Variants in HERC2 observed in about 807,000 individuals in gnomAD.
HERC2 encodes the protein E3 ubiquitin-protein ligase HERC2.
A neutral mutation model predicts 537.7 loss-of-function variants in HERC2; 102 were observed. That is an observed-to-expected ratio of 0.19 (90% CI 0.16 to 0.22). The LOEUF (loss-of-function observed/expected upper bound fraction) is 0.22, where lower values mean the gene tolerates loss of function less well. Among genes scored for constraint, HERC2 ranks in the 10% least tolerant of loss-of-function variants. The pLI is 1.00. For synonymous variants in HERC2, 2,224 were observed against 2,466.2 expected, an observed-to-expected ratio of 0.90 and a Z score of 2.91; for missense variants, 4,236 against 6,198.2, an observed-to-expected ratio of 0.68 and a Z score of 10.63.
At chr15:28,218,950 T>C (rs762321211) in intron 37 of HERC2, among the ~76,000 whole-genome samples, 4 of 152,034 alleles carry the variant, frequency 2.6e-5, no homozygotes, top group Non-Finnish European at 5.9e-5. Context: ...CACCTCGACC[T>C]CCCAAACTGT....
At chr15:28,282,272 A>G (rs549863735) in intron 4 of HERC2, among the ~76,000 whole-genome samples, 36 of 152,322 alleles carry the variant, frequency 2.4e-4, no homozygotes, top group African/African-American at 7.5e-4. Flanking sequence ...GCCTAACAAC[A>G]TGTTCTATTG....
At chr15:28,254,054 C>T (rs765618694) in intron 20 of HERC2, among the ~76,000 whole-genome samples, 6 of 152,028 alleles carry the variant, frequency 3.9e-5, no homozygotes, top group East Asian at 1.9e-4. Flanking sequence ...GAGGCCAAGG[C>T]GGGCGGATCA....
chr15:28,239,784 A>C (rs1902861622), intron 23 of HERC2, among the ~76,000 whole-genome samples: 2 of 151,778 alleles, frequency 1.3e-5, no homozygotes, highest in Non-Finnish European at 2.9e-5. Flanking sequence ...AAGTTCAGAA[A>C]ATGTGAAGTT....
At chr15:28,125,638 A>T (rs1252854638) in intron 83 of HERC2, among the ~76,000 whole-genome samples, 1 of 152,230 alleles carries the variant, frequency 6.6e-6, no homozygotes, top group African/African-American at 2.4e-5. Flanking sequence ...TTGCTCTTGC[A>T]TGCGAAACAG....
chr15:28,276,451 G>T (rs1020667560), intron 5 of HERC2, among the ~76,000 whole-genome samples: 4 of 152,136 alleles, frequency 2.6e-5, no homozygotes, highest in Non-Finnish European at 5.9e-5. Flanking sequence ...ACATGTAACA[G>T]GACACACAGT....
intron 3 of HERC2, among the ~76,000 whole-genome samples, 189 bp downstream of exon 3, chr15:28,299,213 A>C (rs1667400): frequency 0.97 from 147,856 of 152,024 alleles, 71,981 homozygotes; most frequent in Non-Finnish European, 0.99. Flanking sequence ...GCCTTCAATT[A>C]ACGTAAAACA....
chr15:28,132,341 TC>T, intron 80 of HERC2, 80 bp from the exon 81 acceptor site: 1 of 1,302,242 alleles, frequency 7.7e-7, no homozygotes, highest in Non-Finnish European at 1.0e-6. Flanking sequence ...ACACTGCCAT[TC>T]TTTTTTTATG....
At chr15:28,207,977 C>T (rs565130787) in intron 44 of HERC2, among the ~76,000 whole-genome samples, 3 of 152,122 alleles carry the variant, frequency 2.0e-5, no homozygotes, top group Non-Finnish European at 4.4e-5. Context: ...AGTCCCTGCT[C>T]GGCCCAAAGC....
At chr15:28,127,220 A>T (rs1354127956) in intron 83 of HERC2, among the ~76,000 whole-genome samples, 1 of 152,212 alleles carries the variant, frequency 6.6e-6, no homozygotes, top group Admixed American at 6.5e-5. Context: ...CAAGGTGAGG[A>T]GGGTGTCTCT....
Position 28,177,605 on chromosome 15 carries a change from C to T in HERC2, c.9164-96G>A. 6 of 1,021,652 alleles carry T rather than the reference C, an allele frequency of 5.9e-6. No homozygotes were observed. The highest frequency in any genetic ancestry group is 1.6e-5 in the African/African-American group (1 of 63,230). 63.3% of individuals were successfully genotyped at this position (1,021,652 alleles called of 1,614,324 possible). A position where few individuals can be genotyped will look rare whatever the true frequency, so the allele number is the denominator to read the frequency against. On this transcript the variant is annotated intron_variant, in intron 59 of 92. Transcript: ENST00000261609. This position sits in a 1 kb window ranked among gnomAD's most constrained non-coding sequence, Gnocchi z 5.0. Reference sequence around the variant, plus strand: ...TATTTTGCCTGGCATATAGCACACACTCAATGAGCGTGAGCTGAATAAATG... The same window carrying T: ...TATTTTGCCTGGCATATAGCACACATTCAATGAGCGTGAGCTGAATAAATG...
At chr15:28,147,208 C>G (rs1891840664) in intron 70 of HERC2, among the ~76,000 whole-genome samples, 1 of 152,010 alleles carries the variant, frequency 6.6e-6, no homozygotes, top group African/African-American at 2.4e-5. Flanking sequence ...TGCTGGTGGA[C>G]TAGATATAAA....
Position 28,141,480 on chromosome 15 carries a change from C to T in HERC2, c.11967G>A (p.Gln3989=), listed in dbSNP as rs11636232. Residue 3989 remains glutamine (Q), a synonymous_variant, in exon 78 of 93, where the codon CAG becomes CAA. Coordinates refer to ENST00000261609, the MANE Select transcript of HERC2 (RefSeq NM_004667.6). ...AGAGGGTCTGTTCCCCTCCGATTAA[C>T]TGCACGGGTCTGAGAGTTGCAAGGG... The part of the protein sequence containing the change: ...CEALATLRPV[Q]LIGGEQTLFA... 543,945 of 1,613,722 alleles carry T rather than the reference C, an allele frequency of 0.34. 110,194 individuals are homozygous for T. The highest frequency in any genetic ancestry group is 0.4 in the Non-Finnish European group (476,840 of 1,179,716).
chr15:28,171,936 G>A (rs768344001), intron 65 of HERC2, among the ~76,000 whole-genome samples: 1 of 151,648 alleles, frequency 6.6e-6, no homozygotes, highest in Admixed American at 6.6e-5. Context: ...TTAGCCGGGC[G>A]TGGTGGCAGG....
chr15:28,167,542 C>T (rs1894268636), intron 68 of HERC2, 145 bp downstream of exon 68: 4 of 920,244 alleles, frequency 4.3e-6, no homozygotes, highest in Non-Finnish European at 3.3e-6. Context: ...GGCATTCCCA[C>T]AAACGCTTCG....
chr15:28,219,624 C>T (rs1450616540), intron 37 of HERC2, among the ~76,000 whole-genome samples: 1 of 152,180 alleles, frequency 6.6e-6, no homozygotes, highest in African/African-American at 2.4e-5. Context: ...CTGTGTGCCC[C>T]GAGCCCAGAC....
rs979067390 is a variant in HERC2 at position 28,233,961 on chromosome 15, A to G, written c.4218+109T>C. 5.1e-4 allele frequency: 330 copies of G among 651,898 alleles called. 3 individuals are homozygous for G. Among genetic ancestry groups the G allele is most frequent in the Admixed American group, 7.9e-4 (29 of 36,626 alleles). The allele number at this position is 651,898 out of a possible 1,614,324, so 40.4% of individuals were successfully genotyped here. The stretch of plus-strand genomic sequence containing the variant: ...CACCTCAAAACCCTCCAAATAATAC[A>G]TGAAACAAAGTCTGTGCTGTGTTAA... On this transcript the variant is annotated intron_variant, in intron 27 of 92. Coordinates refer to ENST00000261609, the MANE Select transcript of HERC2 (RefSeq NM_004667.6).
In HERC2 at chr15:28,130,367, T is replaced by C. The variant is rs1007731217; in HGVS notation, c.12663-65A>G. 1.9e-6 allele frequency: 3 copies of C among 1,609,026 alleles called. No individual in the cohort carries two copies. The African/African-American group carries it at 4.0e-5, about 22-fold the overall frequency. ...ATCTCACTGACCACCCTGACCAGCC[T>C]CCTGGGCAGCCTCTGCTGTTCAGGA... On this transcript the variant is annotated intron_variant, in intron 82 of 92. Coordinates refer to ENST00000261609, the MANE Select transcript of HERC2 (RefSeq NM_004667.6).
chr15:28,186,057 C>T (rs960001189), intron 56 of HERC2, among the ~76,000 whole-genome samples: 1 of 152,144 alleles, frequency 6.6e-6, no homozygotes, highest in African/African-American at 2.4e-5. Context: ...GGACTGAAGA[C>T]TAATCATATG....
intron 71 of HERC2, 102 bp from the exon 72 acceptor site, chr15:28,144,906 A>G (rs1891583715): frequency 1.3e-6 from 2 of 1,483,900 alleles, no homozygotes; most frequent in African/African-American, 1.4e-5. Flanking sequence ...ACGTGTGAAG[A>G]GCAAGTTCCT....
Sources: gnomAD v4.1 joint callset for allele counts (sites outside exome capture counted in the v4.1 genomes callset) on GRCh38, gnomAD v4.1.1 for gene constraint, Gnocchi (gnomAD v3.1) non-coding constraint, MANE v1.5 for transcripts, NCBI Gene and HGNC (gene_info 2026-07-23, HGNC 2026-07-21) for gene names.